Variants in SKA1 observed in about 807,000 individuals in gnomAD.
SKA1 encodes the protein SKA complex subunit 1.
SKA1 carries 20 observed loss-of-function variants against 31.8 expected under a neutral mutation model. The ratio of observed to expected loss-of-function variants is 0.63; its 90% CI spans 0.44 to 0.91. The LOEUF is 0.91. Among genes scored for constraint, SKA1 ranks in the 40% least tolerant of loss-of-function variants. The probability of loss-of-function intolerance (pLI) is 0.00; values close to 1 mark genes in which losing one functional copy is unlikely to be tolerated. For missense variants in SKA1, 253 were observed against 298.2 expected (o/e 0.85, Z 1.12); for synonymous variants, 88 against 100.5 (o/e 0.88, Z 0.74).
intron 2 of SKA1, among the ~76,000 whole-genome samples, chr18:50,379,246 G>C (rs1599723615): frequency 2.0e-5 from 3 of 152,138 alleles, no homozygotes; most frequent in South Asian, 4.1e-4. Context: ...TTCTCACCTA[G>C]AGAGGGGTGC....
intron 1 of SKA1, among the ~76,000 whole-genome samples, chr18:50,375,450 C>A (rs568114989): frequency 6.6e-6 from 1 of 152,194 alleles, no homozygotes; most frequent in South Asian, 2.1e-4. Context: ...TACCTGGGCC[C>A]ATTTCTTTGA....
chr18:50,387,943 C>T (rs911647468), intron 5 of SKA1, among the ~76,000 whole-genome samples: 1 of 152,156 alleles, frequency 6.6e-6, no homozygotes, highest in Admixed American at 6.5e-5. Context: ...CAAGATGTGT[C>T]TGGATAATAG....
At chr18:50,379,954 T>G (rs2041250339) in intron 2 of SKA1, among the ~76,000 whole-genome samples, 172 bp from the exon 3 acceptor site, 1 of 152,210 alleles carries the variant, frequency 6.6e-6, no homozygotes, top group Admixed American at 6.5e-5. Flanking sequence ...CCATACTACT[T>G]AGAAATGAGG....
rs769629684 is a variant in SKA1 at position 50,391,324 on chromosome 18, T to A, written c.619+31T>A. The A allele has an allele frequency of 9.9e-6, 15 of 1,520,556 alleles. No individual in the cohort carries two copies. The Admixed American group carries it at 1.4e-4, about 14-fold the overall frequency. 94.2% of individuals were successfully genotyped at this position (1,520,556 alleles called of 1,614,324 possible). On this transcript the variant is annotated intron_variant, in intron 6 of 6. Coordinates refer to ENST00000285116, the MANE Select transcript of SKA1 (RefSeq NM_145060.4). ...ATGGCAGCATATATGTGTGTACATG[T>A]GAACTGTTCAGAGTATAACTAAATC...
chr18:50,388,189 G>A (rs537332628), intron 5 of SKA1, among the ~76,000 whole-genome samples: 42 of 152,136 alleles, frequency 2.8e-4, no homozygotes, highest in Non-Finnish European at 4.4e-4. Context: ...CCAGGTTCAC[G>A]CCATTCTCCT....
At chr18:50,380,524 G>A (rs575465423) in intron 3 of SKA1, among the ~76,000 whole-genome samples, 28 of 152,272 alleles carry the variant, frequency 1.8e-4, no homozygotes, top group African/African-American at 6.5e-4. Flanking sequence ...TGATGTTCTA[G>A]TAGAGTGGTA....
intron 4 of SKA1, among the ~76,000 whole-genome samples, chr18:50,383,844 C>T (rs2041281725): frequency 6.6e-6 from 1 of 152,228 alleles, no homozygotes; most frequent in South Asian, 2.1e-4. Context: ...AGGTACGATT[C>T]AGCCAGTCTC....
chr18:50,382,051 T>A (rs2041267874), intron 3 of SKA1, 78 bp from the exon 4 acceptor site: 1 of 890,680 alleles, frequency 1.1e-6, no homozygotes, highest in Admixed American at 3.2e-5. Context: ...TGGTTCACTG[T>A]TTTCCCTGCT....
chr18:50,377,251 T>C (rs1333873861), intron 2 of SKA1, among the ~76,000 whole-genome samples: 1 of 152,218 alleles, frequency 6.6e-6, no homozygotes, highest in East Asian at 1.9e-4. Context: ...CATGATGTTA[T>C]GATGGCTCCG....
intron 4 of SKA1, among the ~76,000 whole-genome samples, chr18:50,383,200 G>A (rs1309074902): frequency 6.6e-6 from 1 of 152,114 alleles, no homozygotes; most frequent in Non-Finnish European, 1.5e-5. Context: ...CACACCTAGG[G>A]TGGTTGAAGG....
At chr18:50,381,399 T>C (rs1313973497) in intron 3 of SKA1, among the ~76,000 whole-genome samples, 1 of 152,200 alleles carries the variant, frequency 6.6e-6, no homozygotes, top group African/African-American at 2.4e-5. Flanking sequence ...GCTGGGTATA[T>C]TACCATGCTG....
Position 50,382,226 on chromosome 18 carries a change from G to A in SKA1, c.311G>A (p.Cys104Tyr), listed in dbSNP as rs765446487. ...CCTCAAGTAACAGTAACCCAGAGCT[G>A]GTAAGTGTATTTATAATTATTCTTG... is the stretch of plus-strand genomic sequence containing the variant. Reference protein sequence around the residue: ...HLPQVTVTQSCVKGSDLDPEE... With the variant: ...HLPQVTVTQSYVKGSDLDPEE... Residue 104 changes from cysteine (C) to tyrosine (Y), a missense_variant and splice_region_variant, in exon 4 of 7, where the codon TGT becomes TAT. Transcript: ENST00000285116. 2 of 1,474,064 alleles carry A rather than the reference G, an allele frequency of 1.4e-6. No homozygotes were observed. The highest frequency in any genetic ancestry group is 1.4e-5 in the South Asian group (1 of 73,760). 91.3% of individuals were successfully genotyped at this position (1,474,064 alleles called of 1,614,324 possible). A position where few individuals can be genotyped will look rare whatever the true frequency, so the allele number is the denominator to read the frequency against.
rs555662715 is a variant in SKA1, at chr18:50,393,707, C to T, written c.*1460C>T. 6.6e-6 allele frequency: 1 copy of T among 152,248 alleles called. No homozygotes were observed. The highest frequency in any genetic ancestry group is 2.1e-4 in the South Asian group (1 of 4,820). The allele number at this position is 152,248 out of a possible 1,614,324, so 9.4% of individuals were successfully genotyped here. A position where few individuals can be genotyped will look rare whatever the true frequency, so the allele number is the denominator to read the frequency against. The stretch of plus-strand genomic sequence containing the variant: ...TTGTAATTTCCAAAGTGATGGAGTA[C>T]ATCTTTTGTTCTAGTATTTGGTCTT... On this transcript the variant is annotated 3_prime_UTR_variant, in exon 7 of 7. Transcript: ENST00000285116.
chr18:50,390,052 T>C (rs1015121819), intron 5 of SKA1, among the ~76,000 whole-genome samples: 1 of 152,018 alleles, frequency 6.6e-6, no homozygotes, highest in African/African-American at 2.4e-5. Flanking sequence ...TTGAAGGAGA[T>C]TAGGGATGAC....
At position 50,380,262 on chromosome 18, in the gene SKA1, C is replaced by T. The variant is rs759333738; in HGVS notation, c.213+12C>T. The stretch of plus-strand genomic sequence containing the variant: ...ACAATTCACTCAAGGTAATGTTTCT[C>T]TAATGAGGAAGCAGTAAAAAAGACA... On this transcript the variant is annotated intron_variant, in intron 3 of 6. Transcript: ENST00000285116. The T allele has an allele frequency of 6.5e-7, 1 of 1,538,894 alleles. No individual in the cohort carries two copies. Among genetic ancestry groups the T allele is most frequent in the South Asian group, 1.3e-5 (1 of 79,012 alleles).
chr18:50,380,090 A>G, intron 2 of SKA1, 36 bp from the exon 3 acceptor site: 1 of 1,463,624 alleles, frequency 6.8e-7, no homozygotes. Flanking sequence ...GCTTTTCTAT[A>G]CACTTTGTTT....
intron 5 of SKA1, among the ~76,000 whole-genome samples, chr18:50,388,535 AGAG>A (rs57803147): frequency 0.41 from 61,448 of 151,656 alleles, 12,993 homozygotes; most frequent in East Asian, 0.62. Context: ...AAGGTGTTGG[AGAG>A]GAGAAGCATT....
rs2041370329 is a variant in SKA1, at chr18:50,392,835, T to C, written c.*588T>C. ...AACTCTGCCTCCCAGGTTCACGCCA[T>C]CCTCCTGCCTCAGCCTCCTGAGTAG... On this transcript the variant is annotated 3_prime_UTR_variant, in exon 7 of 7. Coordinates refer to ENST00000285116, the MANE Select transcript of SKA1 (RefSeq NM_145060.4). 1 of 150,212 alleles carries C rather than the reference T, an allele frequency of 6.7e-6. No individual in the cohort carries two copies. Among genetic ancestry groups the C allele is most frequent in the African/African-American group, 2.4e-5 (1 of 40,872 alleles). 9.3% of individuals were successfully genotyped at this position (150,212 alleles called of 1,614,324 possible). A position where few individuals can be genotyped will look rare whatever the true frequency, so the allele number is the denominator to read the frequency against.
intron 1 of SKA1, 138 bp downstream of exon 1, chr18:50,375,332 C>T (rs1449223952): frequency 6.6e-6 from 1 of 152,526 alleles, no homozygotes; most frequent in African/African-American, 2.4e-5. Context: ...CCCTCCCCTT[C>T]TCTCTCACCG....
Sources: gnomAD v4.1 joint callset for allele counts (sites outside exome capture counted in the v4.1 genomes callset) on GRCh38, gnomAD v4.1.1 for gene constraint, MANE v1.5 for transcripts, NCBI Gene and HGNC (gene_info 2026-07-23, HGNC 2026-07-21) for gene names.